ARHGAP27: variants seen among roughly 807,000 people sequenced by gnomAD.
The protein encoded by ARHGAP27 is Rho GTPase activating protein 27, also known as rho GTPase-activating protein 27.
In ARHGAP27, 53 loss-of-function variants were observed where a neutral mutation model predicts 102.0. The ratio of observed to expected loss-of-function variants is 0.52; its 90% CI spans 0.42 to 0.65. The LOEUF is 0.65. Ranked by LOEUF, ARHGAP27 falls within the 30% of genes least tolerant of loss-of-function variation. The pLI is 0.00. For synonymous variants in ARHGAP27, 525 were observed against 542.8 expected (o/e 0.97, Z 0.46); for missense variants, 1,117 against 1,256.2 (o/e 0.89, Z 1.68).
chr17:45,419,392 A>C (rs2048790776), intron 4 of ARHGAP27, among the ~76,000 whole-genome samples: 1 of 151,654 alleles, frequency 6.6e-6, no homozygotes, highest in African/African-American at 2.4e-5. Context: ...ATAAGCCTAT[A>C]TATTTTATAT....
intron 4 of ARHGAP27, among the ~76,000 whole-genome samples, chr17:45,417,767 A>AG (rs1199703198): frequency 5.7e-5 from 8 of 139,768 alleles, no homozygotes; most frequent in Non-Finnish European, 1.1e-4. Flanking sequence ...AAAAAAAAAA[A>AG]TTTTGGCCGG....
intron 4 of ARHGAP27, among the ~76,000 whole-genome samples, chr17:45,416,433 G>T (rs1300147028): frequency 6.6e-6 from 1 of 151,676 alleles, no homozygotes; most frequent in Non-Finnish European, 1.5e-5. Flanking sequence ...AAATAAACAC[G>T]GCAAATATTG....
At chr17:45,396,622 G>T (rs746273465) in intron 15 of ARHGAP27, 37 bp from the exon 16 acceptor site, 3 of 1,611,264 alleles carry the variant, frequency 1.9e-6, no homozygotes, top group African/African-American at 2.7e-5. Flanking sequence ...CCCAGCCTGC[G>T]CCCCGTCCCG....
chr17:45,408,643 A>C (rs2047523061), intron 4 of ARHGAP27: 1 of 152,170 alleles, frequency 6.6e-6, no homozygotes, highest in African/African-American at 2.4e-5. Context: ...GGCCCCCAAC[A>C]GAAAAGGCAT....
rs1490048333 is a variant in ARHGAP27 at position 45,423,388 on chromosome 17, A to AC, written c.657+6234dup. ...GAGTAGAAACTTAAATAAACTAATT[A>AC]CCATTGATGAGAAAAAAAATCTGCC... On this transcript the variant is annotated intron_variant, in intron 4 of 19. Transcript: ENST00000685559. Among the ~76,000 whole-genome samples, 8 of 152,182 alleles carry AC rather than the reference A, an allele frequency of 5.3e-5. No individual in the cohort carries two copies. In the East Asian group the frequency reaches 1.4e-3, roughly 26 times the overall value.
intron 12 of ARHGAP27, among the ~76,000 whole-genome samples, chr17:45,400,171 A>G (rs1295647917): frequency 6.6e-6 from 1 of 152,154 alleles, no homozygotes; most frequent in African/African-American, 2.4e-5. Context: ...TCTAAGAACA[A>G]ACAAATAAAC....
At chr17:45,411,205 C>T (rs2047870597) in intron 4 of ARHGAP27, among the ~76,000 whole-genome samples, 1 of 152,056 alleles carries the variant, frequency 6.6e-6, no homozygotes, top group Non-Finnish European at 1.5e-5. Context: ...TGACAGACCC[C>T]AGCCACGCAC....
At position 45,430,269 on chromosome 17, in the gene ARHGAP27, T is replaced by G; in HGVS notation, c.11A>C (p.Asp4Ala). ...CAGCACGTACACGTCCCCCACCACG[T>G]CCGCCGCCATCGCAGCCGCGGCGTT... Reference protein sequence around the residue: MAADVVGDVYVLVE... With the variant: MAAAVVGDVYVLVE... Residue 4 changes from aspartate to alanine, a missense_variant, in exon 4 of 20, where the codon GAC (aspartate) becomes GCC (alanine). Asp to Ala is a moderately radical substitution (Grantham distance 126, BLOSUM62 -2). Around this residue, in one of 3 missense-constraint regions of ARHGAP27, gnomAD observed 610 missense variants for 716.4 expected, o/e 0.85. Transcript: ENST00000685559. The surrounding 1 kb of genome is among the most constrained non-coding windows in gnomAD (Gnocchi z 4.4). The G allele has an allele frequency of 6.4e-7, 1 of 1,574,488 alleles. No individual in the cohort carries two copies. The highest frequency in any genetic ancestry group is 8.6e-7 in the Non-Finnish European group (1 of 1,168,914).
In ARHGAP27 at chr17:45,423,012, C is replaced by A. The variant is rs2684700; in HGVS notation, c.657+6611G>T. On this transcript the variant is annotated intron_variant, in intron 4 of 19. Coordinates refer to ENST00000685559, the MANE Select transcript of ARHGAP27 (RefSeq NM_001282290.2). ...CCTGGCCAACATGGCAAAATCACCT[C>A]TGTACTAAAAATACAAAAATTAGCC... Among the ~76,000 whole-genome samples the A allele has an allele frequency of 1.6e-3, 235 of 151,520 alleles. 5 individuals are homozygous for A. The highest frequency in any genetic ancestry group is 5.4e-3 in the African/African-American group (222 of 41,322).
At chr17:45,403,938 G>T in intron 10 of ARHGAP27, 91 bp downstream of exon 10, 8 of 1,416,040 alleles carry the variant, frequency 5.6e-6, no homozygotes, top group Non-Finnish European at 7.9e-6. Flanking sequence ...TTGTTGTGAG[G>T]ATTAATAAGA....
chr17:45,429,998 G>C lies in ARHGAP27; in HGVS notation c.282C>G (p.Asp94Glu). ...TCGCCGCCGCGCTCACAAACCGGTA[G>C]TCGTAGGCGAGCGGCTCAGGGGCCG... Reference protein sequence around the residue: ...SPAAPEPLAYDYRFVSAAATA... With the variant: ...SPAAPEPLAYEYRFVSAAATA... Residue 94 changes from aspartate to glutamate, a missense_variant, in exon 4 of 20, where the codon GAC (aspartate) becomes GAG (glutamate). This residue lies in a region of ARHGAP27 where 610 missense variants were observed against 716.4 expected (regional missense o/e 0.85). Coordinates refer to ENST00000685559, the MANE Select transcript of ARHGAP27 (RefSeq NM_001282290.2). 8.4e-7 allele frequency: 1 copy of C among 1,184,726 alleles called. No homozygotes were observed. Among genetic ancestry groups the C allele is most frequent in the Non-Finnish European group, 1.0e-6 (1 of 959,408 alleles). The allele number at this position is 1,184,726 out of a possible 1,614,324, so 73.4% of individuals were successfully genotyped here.
chr17:45,398,941 C>T (rs2046085109), intron 12 of ARHGAP27, among the ~76,000 whole-genome samples: 1 of 152,178 alleles, frequency 6.6e-6, no homozygotes, highest in Admixed American at 6.5e-5. Context: ...TCCCCACCAC[C>T]TCCCACACTC....
At chr17:45,414,773 T>C (rs1237257448) in intron 4 of ARHGAP27, among the ~76,000 whole-genome samples, 2 of 140,028 alleles carry the variant, frequency 1.4e-5, no homozygotes, top group Non-Finnish European at 3.1e-5. Context: ...AAAAAGAAAA[T>C]GTTGACTGGG....
At chr17:45,412,962 CTTTTTTTTTTTTTTTTTTTTT>C (rs36233058) in intron 4 of ARHGAP27, among the ~76,000 whole-genome samples, 11 of 41,118 alleles carry the variant, frequency 2.7e-4, no homozygotes, top group South Asian at 1.3e-3. Flanking sequence ...TCAGTATAAT[CTTTTTTTTTTTTTTTTTTTTT>C]TTTTTTTTTT....
chr17:45,410,258 T>G, intron 4 of ARHGAP27: 1 of 1,533,506 alleles, frequency 6.5e-7, no homozygotes, highest in South Asian at 1.2e-5. Flanking sequence ...CGACTCTGCC[T>G]CCTGGTCACT....
At chr17:45,405,652 G>A (rs779962833) in intron 5 of ARHGAP27, 24 bp downstream of exon 5, 12 of 1,557,678 alleles carry the variant, frequency 7.7e-6, no homozygotes, top group African/African-American at 1.4e-5. Flanking sequence ...AGGTAGAACC[G>A]CCCACTCTGG....
At chr17:45,398,102 G>T in intron 12 of ARHGAP27, 55 bp from the exon 13 acceptor site, 5 of 1,453,216 alleles carry the variant, frequency 3.4e-6, no homozygotes, top group Non-Finnish European at 3.8e-6. Context: ...TGCCCTGGGG[G>T]TTGGCCCTAG....
chr17:45,429,481 A>T, intron 4 of ARHGAP27, 142 bp downstream of exon 4: 1 of 1,491,606 alleles, frequency 6.7e-7, no homozygotes, highest in Non-Finnish European at 8.8e-7. Flanking sequence ...GGTTGGGGAG[A>T]GGGAGCTCAT....
intron 14 of ARHGAP27, 50 bp downstream of exon 14, chr17:45,396,866 C>G (rs1416106925): frequency 6.2e-7 from 1 of 1,607,288 alleles, no homozygotes; most frequent in East Asian, 2.2e-5. Flanking sequence ...AACCGTCACT[C>G]CCCAGGAGAG....
Sources: allele counts gnomAD v4.1 joint callset (sites outside exome capture counted in the v4.1 genomes callset), GRCh38; gene constraint gnomAD v4.1.1; regional missense constraint gnomAD v4.1.1; non-coding constraint Gnocchi (gnomAD v3.1); transcripts MANE v1.5; gene names NCBI Gene and HGNC (gene_info 2026-07-23, HGNC 2026-07-21).